Variants in EYA2 observed in about 807,000 individuals in gnomAD.
EYA2 encodes EYA transcriptional coactivator and phosphatase 2.
In EYA2, 31 loss-of-function variants were observed where a neutral mutation model predicts 69.2. The ratio of observed to expected loss-of-function variants is 0.45; its 90% confidence interval spans 0.34 to 0.60. The LOEUF is 0.60. Ranked by LOEUF, EYA2 falls within the 20% of genes least tolerant of loss-of-function variation. The probability of loss-of-function intolerance (pLI) is 0.02; values close to 1 mark genes in which losing one functional copy is unlikely to be tolerated. For missense variants in EYA2, 622 were observed against 701.2 expected, an observed-to-expected ratio of 0.89 and a Z score of 1.28; for synonymous variants, 257 against 279.4, an observed-to-expected ratio of 0.92 and a Z score of 0.80.
chr20:47,116,335 G>A (rs7361507), intron 9 of EYA2, among the ~76,000 whole-genome samples: 4,808 of 151,784 alleles, frequency 0.032, 218 homozygotes, highest in African/African-American at 0.11. Context: ...CTGCCAATAC[G>A]CCTAGCTAAT....
At chr20:46,974,040 A>G (rs767849418) in intron 1 of EYA2, among the ~76,000 whole-genome samples, 1 of 152,156 alleles carries the variant, frequency 6.6e-6, no homozygotes, top group Non-Finnish European at 1.5e-5. Flanking sequence ...CATCTCTGCT[A>G]CTTACCGTTG....
At chr20:47,013,820 T>G (rs1983236253) in intron 4 of EYA2, among the ~76,000 whole-genome samples, 1 of 152,230 alleles carries the variant, frequency 6.6e-6, no homozygotes, top group African/African-American at 2.4e-5. Flanking sequence ...CCTAGTGGAC[T>G]GAGCAAAAAG....
chr20:47,015,065 T>TA (rs1299029027), intron 4 of EYA2, among the ~76,000 whole-genome samples: 1 of 152,218 alleles, frequency 6.6e-6, no homozygotes, highest in African/African-American at 2.4e-5. Flanking sequence ...ATATATACGT[T>TA]ACATATATAT....
intron 9 of EYA2, among the ~76,000 whole-genome samples, chr20:47,105,093 T>C (rs781222803): frequency 1.3e-5 from 2 of 152,246 alleles, no homozygotes; most frequent in African/African-American, 4.8e-5. Flanking sequence ...CCCATAGATC[T>C]GTATGTATGC....
chr20:46,931,077 T>C (rs1985648698), intron 1 of EYA2, among the ~76,000 whole-genome samples: 1 of 152,202 alleles, frequency 6.6e-6, no homozygotes, highest in South Asian at 2.1e-4. Flanking sequence ...TGAGAACCAC[T>C]GTCCTCAGAT....
chr20:47,006,963 C>T (rs572328614), intron 4 of EYA2, among the ~76,000 whole-genome samples: 5 of 152,216 alleles, frequency 3.3e-5, no homozygotes, highest in Non-Finnish European at 7.3e-5. Context: ...CAGCATCTCA[C>T]TCTGTTGTCC....
chr20:47,163,052 C>G (rs78864433), intron 10 of EYA2, among the ~76,000 whole-genome samples: 1 of 144,878 alleles, frequency 6.9e-6, no homozygotes, highest in African/African-American at 2.6e-5. Flanking sequence ...TTTTTTTAAA[C>G]AGAGTCTTGC....
intron 5 of EYA2, among the ~76,000 whole-genome samples, chr20:47,062,824 G>C (rs1021140748): frequency 5.3e-5 from 8 of 152,198 alleles, no homozygotes; most frequent in African/African-American, 1.7e-4. Context: ...TGGTGCCAAA[G>C]GGAGAGGGAT....
intron 1 of EYA2, among the ~76,000 whole-genome samples, chr20:46,941,518 G>T (rs949492798): frequency 6.6e-6 from 1 of 152,208 alleles, no homozygotes; most frequent in Non-Finnish European, 1.5e-5. Flanking sequence ...TATGTGTAAA[G>T]TGCCTGGACT....
intron 10 of EYA2, among the ~76,000 whole-genome samples, chr20:47,154,177 T>C (rs2033876124): frequency 6.6e-6 from 1 of 151,916 alleles, no homozygotes; most frequent in Non-Finnish European, 1.5e-5. Context: ...GATGGCTGCA[T>C]TTTTGCTGTG....
At chr20:47,048,716 G>A (rs560312288) in intron 5 of EYA2, among the ~76,000 whole-genome samples, 4 of 152,322 alleles carry the variant, frequency 2.6e-5, no homozygotes, top group South Asian at 2.1e-4. Flanking sequence ...CAGTCTGGGC[G>A]ACAAGAGTGA....
At chr20:47,168,992 TC>T in intron 10 of EYA2, 146 bp from the exon 11 acceptor site, 1 of 688,644 alleles carries the variant, frequency 1.5e-6, no homozygotes, top group African/African-American at 1.8e-5. Context: ...ACCTTGAGTA[TC>T]CAAATCCAGA....
chr20:47,178,831 G>GGATGGATA (rs2146668346), intron 12 of EYA2, among the ~76,000 whole-genome samples: 1 of 151,310 alleles, frequency 6.6e-6, no homozygotes. Flanking sequence ...GTGGGTGGAT[G>GGATGGATA]GATGGATATT....
chr20:47,178,752 G>A (rs185099319), intron 12 of EYA2, among the ~76,000 whole-genome samples: 78 of 136,602 alleles, frequency 5.7e-4, no homozygotes, highest in African/African-American at 1.8e-3. Flanking sequence ...TGGATGCATG[G>A]ATGGATGAAT....
intron 9 of EYA2, among the ~76,000 whole-genome samples, chr20:47,121,891 T>C (rs1487659886): frequency 6.6e-6 from 1 of 152,202 alleles, no homozygotes; most frequent in Non-Finnish European, 1.5e-5. Context: ...CCAAGTTCCC[T>C]GGCCCAGCCC....
chr20:46,943,654 G>C (rs1297124848), intron 1 of EYA2, among the ~76,000 whole-genome samples: 1 of 152,176 alleles, frequency 6.6e-6, no homozygotes, highest in East Asian at 1.9e-4. Flanking sequence ...GTTTCTCCCT[G>C]AAGGATTTCA....
intron 1 of EYA2, chr20:46,978,748 G>A (rs534528627): frequency 3.8e-6 from 2 of 527,728 alleles, no homozygotes; most frequent in African/African-American, 1.9e-5. Flanking sequence ...TGGTCTTCCT[G>A]GGCAGAGAGG....
chr20:47,140,147 A>G (rs2146594591), intron 9 of EYA2, among the ~76,000 whole-genome samples: 1 of 152,300 alleles, frequency 6.6e-6, no homozygotes, highest in South Asian at 2.1e-4. Context: ...TGCTCCGTCA[A>G]AGAGGAGTGT....
intron 9 of EYA2, among the ~76,000 whole-genome samples, chr20:47,124,709 A>G (rs1372961913): frequency 2.0e-5 from 3 of 152,316 alleles, no homozygotes; most frequent in African/African-American, 4.8e-5. Context: ...CCCAAGACCC[A>G]GGAAACCCCT....
Sources: allele counts gnomAD v4.1 joint callset (sites outside exome capture counted in the v4.1 genomes callset), GRCh38; gene constraint gnomAD v4.1.1; transcripts MANE v1.5; gene names NCBI Gene and HGNC (gene_info 2026-07-23, HGNC 2026-07-21).